The following ZC3H12B variants were observed in gnomAD, a reference collection of about 807,000 sequenced individuals.
ZC3H12B encodes the protein zinc finger CCCH-type containing 12B.
A neutral mutation model predicts 43.9 loss-of-function variants in ZC3H12B; 7 were observed. The ratio of observed to expected loss-of-function variants is 0.16; its 90% CI spans 0.09 to 0.30. The LOEUF (loss-of-function observed/expected upper bound fraction) is 0.30. Ranked by LOEUF, ZC3H12B falls within the 10% of genes least tolerant of loss-of-function variation. The pLI is 1.00. For synonymous variants in ZC3H12B, 222 were observed against 241.7 expected, an observed-to-expected ratio of 0.92 and a Z score of 0.76; for missense variants, 475 against 670.2, an observed-to-expected ratio of 0.71 and a Z score of 3.22.
chrX:65,376,119 A>C (rs771741464), intron 2 of ZC3H12B, among the ~76,000 whole-genome samples: 1 of 112,107 alleles, frequency 8.9e-6, no homozygotes, highest in African/African-American at 3.2e-5. Flanking sequence ...CTAAAGATCC[A>C]TTGGGCATTA....
the ZC3H12B span, among the ~76,000 whole-genome samples, chrX:65,311,429 C>T: frequency 8.9e-6 from 1 of 112,084 alleles, no homozygotes; most frequent in Admixed American, 9.4e-5. Context: ...AAATGCAAAT[C>T]AAAACCACAA....
chrX:65,201,198 G>A, the ZC3H12B span, among the ~76,000 whole-genome samples: 1 of 111,488 alleles, frequency 9.0e-6, no homozygotes, highest in Non-Finnish European at 1.9e-5. Flanking sequence ...TCAGTTGGTA[G>A]GCTATTTACT....
the ZC3H12B span, among the ~76,000 whole-genome samples, chrX:65,158,178 G>C: frequency 9.2e-6 from 1 of 109,151 alleles, no homozygotes; most frequent in African/African-American, 3.3e-5. Flanking sequence ...ATCATTGTTG[G>C]ACATTTCGGT....
At chrX:65,477,017 A>G (rs1363598816) in intron 3 of ZC3H12B, among the ~76,000 whole-genome samples, 3 of 88,873 alleles carry the variant, frequency 3.4e-5, no homozygotes, top group Non-Finnish European at 6.3e-5. Context: ...TATTTTTTGT[A>G]GAGATGCAGT....
chrX:65,040,566 T>G, the ZC3H12B span, among the ~76,000 whole-genome samples: 1 of 110,533 alleles, frequency 9.0e-6, no homozygotes, highest in African/African-American at 3.3e-5. Flanking sequence ...AAGTCTAAAA[T>G]GAGTGAAGTT....
At chrX:65,132,052 G>T in the ZC3H12B span, among the ~76,000 whole-genome samples, 2 of 111,924 alleles carry the variant, frequency 1.8e-5, no homozygotes. Flanking sequence ...TGCTGGGACT[G>T]ATGGGTGTCA....
the ZC3H12B span, among the ~76,000 whole-genome samples, chrX:65,219,577 C>A: frequency 1.8e-5 from 2 of 111,184 alleles, no homozygotes; most frequent in African/African-American, 3.3e-5. Flanking sequence ...AAAGACAAGG[C>A]TTTTGAATTA....
the ZC3H12B span, among the ~76,000 whole-genome samples, chrX:65,234,327 C>A: frequency 8.9e-6 from 1 of 111,892 alleles, no homozygotes. Flanking sequence ...GATAAAAACT[C>A]TTTAAAGAAC....
the ZC3H12B span, among the ~76,000 whole-genome samples, chrX:65,276,667 C>A: frequency 8.9e-6 from 1 of 111,776 alleles, no homozygotes; most frequent in South Asian, 3.6e-4. Flanking sequence ...AAAGTCATCA[C>A]TACTAGACTA....
chrX:65,263,403 G>C, the ZC3H12B span, among the ~76,000 whole-genome samples: 1 of 110,684 alleles, frequency 9.0e-6, no homozygotes, highest in Non-Finnish European at 1.9e-5. Flanking sequence ...CTTAATGGAT[G>C]AGTGTGCAGG....
At chrX:65,337,245 G>A in the ZC3H12B span, among the ~76,000 whole-genome samples, 1 of 111,633 alleles carries the variant, frequency 9.0e-6, no homozygotes, top group Non-Finnish European at 1.9e-5. Flanking sequence ...CCTCAGTATC[G>A]TCCCTTTGGG....
chrX:65,422,721 T>G (rs2067033578), intron 3 of ZC3H12B, among the ~76,000 whole-genome samples: 1 of 109,424 alleles, frequency 9.1e-6, no homozygotes, highest in Non-Finnish European at 1.9e-5. Flanking sequence ...TGTGTGATGT[T>G]CCCCTCCCTG....
the ZC3H12B span, among the ~76,000 whole-genome samples, chrX:65,275,639 C>A: frequency 8.9e-6 from 1 of 112,627 alleles, no homozygotes; most frequent in Non-Finnish European, 1.9e-5. Flanking sequence ...CTGTGTCCAC[C>A]TGGAAGAAAG....
chrX:65,392,119 C>A (rs1295950702), intron 2 of ZC3H12B, among the ~76,000 whole-genome samples: 1 of 111,380 alleles, frequency 9.0e-6, no homozygotes, highest in Non-Finnish European at 1.9e-5. Flanking sequence ...TCGCTACAAC[C>A]CCCACCTCCC....
chrX:65,218,665 C>T, the ZC3H12B span, among the ~76,000 whole-genome samples: 2 of 111,012 alleles, frequency 1.8e-5, no homozygotes, highest in Non-Finnish European at 3.8e-5. Flanking sequence ...CCGCAACAAG[C>T]CCTGCCCAAG....
At chrX:65,308,659 C>G in the ZC3H12B span, among the ~76,000 whole-genome samples, 1 of 111,786 alleles carries the variant, frequency 8.9e-6, no homozygotes, top group South Asian at 3.7e-4. Context: ...CTACACAACT[C>G]TCCACCCCAA....
intron 3 of ZC3H12B, among the ~76,000 whole-genome samples, chrX:65,411,360 G>A (rs1326840753): frequency 8.9e-6 from 1 of 111,853 alleles, no homozygotes; most frequent in African/African-American, 3.3e-5. Flanking sequence ...AATGAATAAG[G>A]CATACTATTT....
chrX:65,139,978 G>GT, the ZC3H12B span, among the ~76,000 whole-genome samples: 364 of 106,437 alleles, frequency 3.4e-3, no homozygotes, highest in Admixed American at 8.9e-3. Context: ...AGTTCTAAAA[G>GT]TTTTTTTTTT....
the ZC3H12B span, among the ~76,000 whole-genome samples, chrX:65,111,545 AT>A: frequency 1.1e-5 from 1 of 88,849 alleles, no homozygotes; most frequent in Non-Finnish European, 1.9e-5. Context: ...TTATTTTTTT[AT>A]TTTTTTATTA....
Sources: gnomAD v4.1 joint callset for allele counts (sites outside exome capture counted in the v4.1 genomes callset) on GRCh38, gnomAD v4.1.1 for gene constraint, MANE v1.5 for transcripts, NCBI Gene and HGNC (gene_info 2026-07-23, HGNC 2026-07-21) for gene names.